Variants in SYN3 observed in about 807,000 individuals in gnomAD.
SYN3 encodes synapsin III, also known as synapsin-3.
A neutral mutation model predicts 65.8 loss-of-function variants in SYN3; 35 were observed. The ratio of observed to expected loss-of-function variants is 0.53; its 90% CI spans 0.41 to 0.70. The LOEUF (loss-of-function observed/expected upper bound fraction) is 0.70, where lower values mean the gene tolerates loss of function less well. Among genes scored for constraint, SYN3 ranks in the 30% least tolerant of loss-of-function variants. SYN3 has a pLI of 0.00. For synonymous variants in SYN3, 270 were observed against 292.9 expected (o/e 0.92, Z 0.80); for missense variants, 680 against 749.0 (o/e 0.91, Z 1.08).
rs146915009 is a variant in SYN3 at position 32,719,046 on chromosome 22, G to C, written c.712-122310C>G. On this transcript the variant is annotated intron_variant, in intron 6 of 13. Coordinates refer to ENST00000358763, the MANE Select transcript of SYN3 (RefSeq NM_003490.4). ...TCGACAGATCAGCCTCATCTTCCAA[G>C]GACCAGCTCAGACATCACCTTCTCT... is the stretch of plus-strand genomic sequence containing the variant. 4.3e-3 allele frequency among the ~76,000 whole-genome samples: 659 copies of C among 152,276 alleles called. 5 individuals are homozygous for C. The highest frequency in any genetic ancestry group is 0.015 in the African/African-American group (618 of 41,556).
At chr22:32,686,271 T>C (rs1473464636) in intron 6 of SYN3, among the ~76,000 whole-genome samples, 2 of 152,130 alleles carry the variant, frequency 1.3e-5, no homozygotes, top group Non-Finnish European at 2.9e-5. Flanking sequence ...TGGAAGGGGA[T>C]GAGGGTCCTG....
intron 6 of SYN3, among the ~76,000 whole-genome samples, chr22:32,821,632 C>T (rs1038626868): frequency 2.6e-5 from 4 of 152,174 alleles, no homozygotes; most frequent in African/African-American, 9.6e-5. Flanking sequence ...GATGGAAGAG[C>T]GGAGGCCCAG....
chr22:32,618,900 T>C (rs1029160973), intron 6 of SYN3, among the ~76,000 whole-genome samples: 5 of 152,016 alleles, frequency 3.3e-5, no homozygotes, highest in Admixed American at 3.3e-4. Flanking sequence ...CCTCAGGGAG[T>C]AGATCCAATG....
intron 6 of SYN3, among the ~76,000 whole-genome samples, chr22:32,709,217 G>T (rs562367630): frequency 5.9e-5 from 9 of 152,300 alleles, no homozygotes; most frequent in African/African-American, 2.2e-4. Flanking sequence ...GATAATTCAG[G>T]CTCCAAAATC....
intron 1 of SYN3, among the ~76,000 whole-genome samples, chr22:33,052,891 T>C (rs1442538108): frequency 1.3e-5 from 2 of 150,638 alleles, no homozygotes; most frequent in Non-Finnish European, 1.5e-5. Context: ...AACATACAGA[T>C]CATCATTTTT....
intron 6 of SYN3, chr22:32,859,019 C>G (rs1032957120): frequency 1.1e-5 from 8 of 708,626 alleles, no homozygotes; most frequent in Non-Finnish European, 2.1e-5. Flanking sequence ...TGTTAGACAG[C>G]AGATGCTCAA....
At chr22:32,852,698 C>G (rs1319036733) in intron 6 of SYN3, among the ~76,000 whole-genome samples, 2 of 152,096 alleles carry the variant, frequency 1.3e-5, no homozygotes, top group African/African-American at 4.8e-5. Flanking sequence ...GCCTCTGACC[C>G]ATCTCTCAGG....
intron 6 of SYN3, among the ~76,000 whole-genome samples, chr22:32,618,629 C>CG (rs1222330205): frequency 6.6e-6 from 1 of 152,150 alleles, no homozygotes; most frequent in Non-Finnish European, 1.5e-5. Flanking sequence ...TGTTCAGAGG[C>CG]TGCATAATAG....
chr22:32,859,007 T>A (rs541991611), intron 6 of SYN3: 1 of 688,754 alleles, frequency 1.5e-6, no homozygotes, highest in Admixed American at 2.1e-5. Context: ...TATCAGAATG[T>A]CTGTTAGACA....
chr22:32,858,170 G>A, intron 6 of SYN3: 1 of 1,610,866 alleles, frequency 6.2e-7, no homozygotes. Flanking sequence ...GGAAGGAGGG[G>A]AGGTGCTGAC....
intron 6 of SYN3, chr22:32,859,391 C>A: frequency 6.2e-7 from 1 of 1,604,098 alleles, no homozygotes. Flanking sequence ...CCAGACCCTG[C>A]CCCACCTCAC....
At chr22:32,800,106 A>T (rs1249722197) in intron 6 of SYN3, among the ~76,000 whole-genome samples, 1 of 152,192 alleles carries the variant, frequency 6.6e-6, no homozygotes, top group Non-Finnish European at 1.5e-5. Flanking sequence ...TCTTGGAAAT[A>T]CCATCTCTCA....
At chr22:33,040,241 C>T (rs940602073) in intron 1 of SYN3, among the ~76,000 whole-genome samples, 7 of 151,944 alleles carry the variant, frequency 4.6e-5, no homozygotes, top group Admixed American at 3.3e-4. Flanking sequence ...CGTGATCTCC[C>T]GCCTCAGCCT....
intron 7 of SYN3, among the ~76,000 whole-genome samples, chr22:32,591,061 A>T (rs1187794783): frequency 6.6e-6 from 1 of 152,196 alleles, no homozygotes; most frequent in Non-Finnish European, 1.5e-5. Context: ...CAACCAGCTT[A>T]CGAAGCTCAT....
intron 13 of SYN3, among the ~76,000 whole-genome samples, chr22:32,515,571 TA>T (rs2057756798): frequency 6.6e-6 from 1 of 152,224 alleles, no homozygotes; most frequent in South Asian, 2.1e-4. Flanking sequence ...TCTGTCAAAC[TA>T]AAAATACATT....
At chr22:32,543,487 A>G (rs2058290549) in intron 7 of SYN3, among the ~76,000 whole-genome samples, 1 of 152,020 alleles carries the variant, frequency 6.6e-6, no homozygotes, top group African/African-American at 2.4e-5. Flanking sequence ...CTGAGTGATG[A>G]CTCCAGGTCT....
intron 6 of SYN3, among the ~76,000 whole-genome samples, chr22:32,670,637 C>T (rs1471314670): frequency 2.6e-5 from 4 of 152,212 alleles, no homozygotes; most frequent in Non-Finnish European, 5.9e-5. Context: ...GGATGACTCC[C>T]TTTCTTCACT....
At chr22:32,860,790 G>A (rs1014520908) in intron 6 of SYN3, 15 of 152,080 alleles carry the variant, frequency 9.9e-5, no homozygotes, top group African/African-American at 3.4e-4. Context: ...AGACAGCTTG[G>A]TTCCCTTTCC....
chr22:32,799,843 T>C (rs1733767859), intron 6 of SYN3, among the ~76,000 whole-genome samples: 1 of 152,142 alleles, frequency 6.6e-6, no homozygotes, highest in East Asian at 1.9e-4. Flanking sequence ...GCAGTGTGGC[T>C]AAATATCCCA....
Sources: allele counts gnomAD v4.1 joint callset (sites outside exome capture counted in the v4.1 genomes callset), GRCh38; gene constraint gnomAD v4.1.1; transcripts MANE v1.5; gene names NCBI Gene and HGNC (gene_info 2026-07-23, HGNC 2026-07-21).